Variants in CSMD3 observed in about 807,000 individuals in gnomAD.
CSMD3 encodes CUB and sushi domain-containing protein 3.
A neutral mutation model predicts 435.2 loss-of-function variants in CSMD3; 177 were observed. The ratio of observed to expected loss-of-function variants is 0.41; its 90% CI spans 0.36 to 0.46. The LOEUF (loss-of-function observed/expected upper bound fraction) is 0.46, where lower values mean the gene tolerates loss of function less well. Among genes scored for constraint, CSMD3 ranks in the 20% least tolerant of loss-of-function variants. CSMD3 has a pLI of 0.34. For missense variants in CSMD3, 4,265 were observed against 4,504.6 expected (o/e 0.95, Z 1.52); for synonymous variants, 1,656 against 1,520.5 (o/e 1.09, Z -2.07).
intron 1 of CSMD3, among the ~76,000 whole-genome samples, chr8:113,366,511 G>T (rs1018575875): frequency 6.6e-6 from 1 of 152,024 alleles, no homozygotes; most frequent in African/African-American, 2.4e-5. Context: ...ATCTGCAATA[G>T]TGAAAACAAG....
At chr8:112,576,922 G>C (rs1250704388) in intron 23 of CSMD3, among the ~76,000 whole-genome samples, 1 of 151,806 alleles carries the variant, frequency 6.6e-6, no homozygotes, top group Non-Finnish European at 1.5e-5. Flanking sequence ...TGATAAAAGA[G>C]CTAGTACTTT....
chr8:112,522,083 T>C (rs180750366), intron 27 of CSMD3, among the ~76,000 whole-genome samples: 4 of 151,812 alleles, frequency 2.6e-5, no homozygotes, highest in African/African-American at 7.2e-5. Context: ...ATAAAATGAG[T>C]TTTTCTATCT....
chr8:112,465,974 C>CAAAAAAAAAAAAAAAAAA (rs201876803), intron 32 of CSMD3, among the ~76,000 whole-genome samples: 2 of 114,168 alleles, frequency 1.8e-5, no homozygotes, highest in African/African-American at 6.9e-5. Context: ...GACACCATCT[C>CAAAAAAAAAAAAAAAAAA]AAAAAAAAAA....
At chr8:112,319,379 C>G (rs1237225473) in intron 46 of CSMD3, among the ~76,000 whole-genome samples, 8 of 152,012 alleles carry the variant, frequency 5.3e-5, no homozygotes, top group African/African-American at 1.9e-4. Flanking sequence ...ATTACAGCAA[C>G]ATTAAGATGT....
chr8:112,821,272 A>T (rs2079523349), intron 12 of CSMD3, among the ~76,000 whole-genome samples: 1 of 152,226 alleles, frequency 6.6e-6, no homozygotes, highest in African/African-American at 2.4e-5. Flanking sequence ...CTTACCAGCA[A>T]TGTAAAATCA....
Position 112,263,697 on chromosome 8 carries a change from A to G in CSMD3, c.9804T>C (p.Pro3268=), listed in dbSNP as rs140845783. The G allele has an allele frequency of 6.9e-5, 112 of 1,613,830 alleles. No homozygotes were observed. In the African/African-American group the frequency reaches 1.3e-3, roughly 19 times the overall value. Residue 3268 remains proline (P), a synonymous_variant, in exon 61 of 71, where the codon CCT becomes CCC. Coordinates refer to ENST00000297405, the MANE Select transcript of CSMD3 (RefSeq NM_198123.2). ...CATTCCCTACACAGGTCAAAACAGCAGGGAAGGATAGCTCATAGCCTGGAG... is the reference window on the plus strand; with the variant it reads ...CATTCCCTACACAGGTCAAAACAGCGGGGAAGGATAGCTCATAGCCTGGAG... ...ICSPGYELSF[P]AVLTCVGNGT...
chr8:112,882,271 G>A (rs1382971453), intron 10 of CSMD3, among the ~76,000 whole-genome samples: 1 of 151,908 alleles, frequency 6.6e-6, no homozygotes, highest in Non-Finnish European at 1.5e-5. Context: ...AAGACCACAT[G>A]TCTCCCCAGG....
At chr8:112,800,469 T>C (rs1451609980) in intron 12 of CSMD3, among the ~76,000 whole-genome samples, 195 bp from the exon 13 acceptor site, 2 of 152,048 alleles carry the variant, frequency 1.3e-5, no homozygotes, top group Admixed American at 6.6e-5. Flanking sequence ...AAAATATTAT[T>C]CTGTGTTTAA....
intron 22 of CSMD3, among the ~76,000 whole-genome samples, chr8:112,606,207 G>A (rs2131442738): frequency 6.6e-6 from 1 of 152,268 alleles, no homozygotes; most frequent in African/African-American, 2.4e-5. Flanking sequence ...GGTGGCACAG[G>A]TTGATGCCAA....
chr8:112,386,755 C>T (rs977425928), intron 36 of CSMD3, among the ~76,000 whole-genome samples: 2 of 152,136 alleles, frequency 1.3e-5, no homozygotes, highest in African/African-American at 4.8e-5. Flanking sequence ...CCTCGGCCCC[C>T]CAAAGTGCTG....
At chr8:112,555,164 T>G (rs1378648267) in intron 25 of CSMD3, among the ~76,000 whole-genome samples, 1 of 151,968 alleles carries the variant, frequency 6.6e-6, no homozygotes, top group Non-Finnish European at 1.5e-5. Context: ...GTTTTGATTT[T>G]GAGTACTTGT....
chr8:112,349,659 A>G (rs896132414), intron 40 of CSMD3, among the ~76,000 whole-genome samples: 1 of 152,130 alleles, frequency 6.6e-6, no homozygotes, highest in African/African-American at 2.4e-5. Flanking sequence ...ATTGCATTAC[A>G]TGTATATATA....
At chr8:112,508,720 C>T (rs1248638684) in intron 28 of CSMD3, among the ~76,000 whole-genome samples, 2 of 152,128 alleles carry the variant, frequency 1.3e-5, no homozygotes, top group Non-Finnish European at 2.9e-5. Context: ...TTAGTATTCC[C>T]TGTTGCAATA....
At chr8:113,236,816 T>A (rs1165744601) in intron 3 of CSMD3, among the ~76,000 whole-genome samples, 1 of 152,138 alleles carries the variant, frequency 6.6e-6, no homozygotes, top group South Asian at 2.1e-4. Context: ...TATCTATCTA[T>A]CTATCTCTCT....
chr8:112,791,001 T>C (rs1214325603), intron 13 of CSMD3, among the ~76,000 whole-genome samples: 2 of 152,102 alleles, frequency 1.3e-5, no homozygotes, highest in Non-Finnish European at 2.9e-5. Context: ...CATATATGCA[T>C]TGGTGAAACC....
At position 112,782,234 on chromosome 8, in the gene CSMD3, C is replaced by T. The variant is rs1053162764; in HGVS notation, c.1972+17928G>A. On this transcript the variant is annotated intron_variant, in intron 13 of 70. Transcript: ENST00000297405. The stretch of plus-strand genomic sequence containing the variant: ...CCTACCAAATAAAAAAAAATTAACA[C>T]ATAGATTAAAATATCTTTAGTAATA... 2.0e-5 allele frequency among the ~76,000 whole-genome samples: 3 copies of T among 151,898 alleles called. No homozygotes were observed. The East Asian group carries it at 5.8e-4, about 30-fold the overall frequency.
chr8:113,203,465 C>A (rs1249782282), intron 3 of CSMD3, among the ~76,000 whole-genome samples: 2 of 151,470 alleles, frequency 1.3e-5, no homozygotes, highest in African/African-American at 4.9e-5. Flanking sequence ...AGAGATGGAG[C>A]CTCACTTTGT....
Position 112,223,976 on chromosome 8 carries a change from T to C in CSMD3, c.*795A>G, listed in dbSNP as rs186219990. 20 of 152,206 alleles carry C rather than the reference T, an allele frequency of 1.3e-4. No homozygotes were observed. The East Asian group carries it at 3.9e-3, about 29-fold the overall frequency. 9.4% of individuals were successfully genotyped at this position (152,206 alleles called of 1,614,324 possible). On this transcript the variant is annotated 3_prime_UTR_variant, in exon 71 of 71. Coordinates refer to ENST00000297405, the MANE Select transcript of CSMD3 (RefSeq NM_198123.2). ...AAACATACTGAAGCTACTATCACAT[T>C]TGGGATTAAAAAATAATAAAAATAA...
intron 14 of CSMD3, among the ~76,000 whole-genome samples, chr8:112,686,283 C>A (rs1440365590): frequency 2.0e-5 from 3 of 152,060 alleles, no homozygotes; most frequent in Non-Finnish European, 2.9e-5. Flanking sequence ...TGAAGAACAG[C>A]TAAATGAGAG....
Sources: allele counts gnomAD v4.1 joint callset (sites outside exome capture counted in the v4.1 genomes callset), GRCh38; gene constraint gnomAD v4.1.1; transcripts MANE v1.5; gene names NCBI Gene and HGNC (gene_info 2026-07-23, HGNC 2026-07-21).